CCM2: variants seen among roughly 807,000 people sequenced by gnomAD.
CCM2 encodes the protein cerebral cavernous malformations 2 protein.
Under a neutral mutation model 44.9 loss-of-function variants are expected in CCM2, and 25 were observed. The observed-to-expected ratio is 0.56, with a 90% CI of 0.41 to 0.78. CCM2 has a LOEUF of 0.78. Among genes scored for constraint, CCM2 ranks in the 30% least tolerant of loss-of-function variants. CCM2 has a pLI of 0.00. For missense variants in CCM2, 481 were observed against 580.6 expected (o/e 0.83, Z 1.76); for synonymous variants, 219 against 241.1 (o/e 0.91, Z 0.85).
chr7:45,073,433 C>T (rs1169327017), intron 7 of CCM2, 27 bp from the exon 8 acceptor site: 2 of 1,567,522 alleles, frequency 1.3e-6, no homozygotes, highest in East Asian at 2.2e-5. Context: ...GGGAAGCCAC[C>T]CGCTCACATA....
chr7:45,065,967 C>T (rs181341994), intron 4 of CCM2, among the ~76,000 whole-genome samples: 11 of 152,256 alleles, frequency 7.2e-5, no homozygotes, highest in East Asian at 1.9e-4. Context: ...GTTTCTGACT[C>T]GCTTCTTGCA....
intron 2 of CCM2, among the ~76,000 whole-genome samples, chr7:45,039,723 C>T (rs753862746): frequency 3.3e-5 from 5 of 152,134 alleles, no homozygotes; most frequent in African/African-American, 4.8e-5. Flanking sequence ...GGAAGAGCTT[C>T]TGGAATTAAA....
chr7:45,066,781 C>A lies in CCM2; in HGVS notation c.473-1662C>A, dbSNP rs528634570. 9.9e-5 allele frequency among the ~76,000 whole-genome samples: 15 copies of A among 152,160 alleles called. 1 individual carries two copies. Among genetic ancestry groups the A allele is most frequent in the South Asian group, 8.3e-4 (4 of 4,826 alleles). On this transcript the variant is annotated intron_variant, in intron 4 of 9. Coordinates refer to ENST00000258781, the MANE Select transcript of CCM2 (RefSeq NM_031443.4). ...CCGCATCCTTAGGCTGCCCACCCTG[C>A]TTCCTTGAGAACTACCACAGGCACA...
intron 2 of CCM2, among the ~76,000 whole-genome samples, chr7:45,051,329 G>A (rs1797992529): frequency 6.6e-6 from 1 of 152,128 alleles, no homozygotes; most frequent in African/African-American, 2.4e-5. Flanking sequence ...CTTTCAGGGT[G>A]TCATCTCCCA....
chr7:45,051,383 G>GTATTTATTTATTTATT (rs71565942), intron 2 of CCM2, among the ~76,000 whole-genome samples: 53 of 150,634 alleles, frequency 3.5e-4, no homozygotes, highest in African/African-American at 1.1e-3. Context: ...GGATGCTTGG[G>GTATTTATTTATTTATT]TATTTATTTA....
chr7:45,000,014 G>C (rs1194374154), upstream of CCM2, among the ~76,000 whole-genome samples: 1 of 152,114 alleles, frequency 6.6e-6, no homozygotes, highest in Non-Finnish European at 1.5e-5. Context: ...CTCTCGCCGT[G>C]AGCGGGGCCA....
At chr7:45,028,101 C>T (rs1360632381) in intron 1 of CCM2, among the ~76,000 whole-genome samples, 2 of 152,198 alleles carry the variant, frequency 1.3e-5, no homozygotes, top group African/African-American at 2.4e-5. Flanking sequence ...ACATCTTCCA[C>T]GGAGAAGTAA....
chr7:45,075,946 C>T lies in CCM2; in HGVS notation c.1224C>T (p.Ser408=), dbSNP rs771678360. ...STTNGNRATG[S]SDDRSAPSEG... is the part of the protein sequence containing the mutation. The stretch of plus-strand genomic sequence containing the variant: ...CCAATGGGAACAGGGCCACGGGCAG[C>T]TCTGATGACCGGTCGGCACCCTCAG... Residue 408 remains serine, a synonymous_variant, in exon 10 of 10, where the codon AGC becomes AGT. Coordinates refer to ENST00000258781, the MANE Select transcript of CCM2 (RefSeq NM_031443.4). The T allele has an allele frequency of 8.7e-6, 14 of 1,613,102 alleles. No individual in the cohort carries two copies. In the Admixed American group the frequency reaches 1.8e-4, roughly 21 times the overall value.
chr7:45,052,107 C>T (rs969271656), intron 2 of CCM2, among the ~76,000 whole-genome samples: 1 of 152,194 alleles, frequency 6.6e-6, no homozygotes, highest in Admixed American at 6.6e-5. Context: ...CATCGGAAAC[C>T]ACATGCTCCA....
chr7:45,042,997 G>A (rs1797587238), intron 2 of CCM2, among the ~76,000 whole-genome samples: 1 of 139,628 alleles, frequency 7.2e-6, no homozygotes, highest in Admixed American at 7.5e-5. Flanking sequence ...CCTTGAGATA[G>A]GGTCTGTCTC....
At chr7:45,071,960 G>A (rs927260106) in intron 6 of CCM2, 60 of 428,606 alleles carry the variant, frequency 1.4e-4, no homozygotes, top group African/African-American at 9.5e-4. Flanking sequence ...TCTTTGGGGG[G>A]TCATTATTCT....
At chr7:45,066,937 G>T (rs1325294172) in intron 4 of CCM2, among the ~76,000 whole-genome samples, 1 of 149,198 alleles carries the variant, frequency 6.7e-6, no homozygotes, top group Non-Finnish European at 1.5e-5. Flanking sequence ...GTCTCGCTGT[G>T]TTGCCCAGGC....
intron 1 of CCM2, among the ~76,000 whole-genome samples, chr7:45,031,598 C>T (rs1562875819): frequency 6.6e-6 from 1 of 152,006 alleles, no homozygotes; most frequent in Non-Finnish European, 1.5e-5. Flanking sequence ...TGCTCTGTCA[C>T]CCAGGCTGGA....
In CCM2 at chr7:45,024,719, T is replaced by C. The variant is rs931417419; in HGVS notation, c.31-13534T>C. ...ACAGAATTTTAAAGGGATTACCATA[T>C]TCCCATTTATCAGGATACATCTGAT... On this transcript the variant is annotated intron_variant, in intron 1 of 9. Transcript: ENST00000258781. Among the ~76,000 whole-genome samples, 6 of 152,382 alleles carry C rather than the reference T, an allele frequency of 3.9e-5. No individual in the cohort carries two copies. The South Asian group carries it at 1.2e-3, about 32-fold the overall frequency.
At chr7:45,002,629 A>T (rs981150530) in intron 1 of CCM2, among the ~76,000 whole-genome samples, 1 of 152,018 alleles carries the variant, frequency 6.6e-6, no homozygotes, top group Admixed American at 6.6e-5. Context: ...CAGAGAACCT[A>T]TGGACCAAAG....
At chr7:45,067,284 C>G (rs1427433131) in intron 4 of CCM2, among the ~76,000 whole-genome samples, 2 of 151,770 alleles carry the variant, frequency 1.3e-5, no homozygotes, top group Admixed American at 6.6e-5. Context: ...TCTCCGCCCC[C>G]CGAGTAGCTG....
At chr7:45,069,248 A>G (rs1325758005) in intron 5 of CCM2, among the ~76,000 whole-genome samples, 1 of 152,222 alleles carries the variant, frequency 6.6e-6, no homozygotes, top group Non-Finnish European at 1.5e-5. Flanking sequence ...TTAGCCGGAT[A>G]ATTTTCCATT....
chr7:45,057,170 C>CT (rs35056855), intron 2 of CCM2, among the ~76,000 whole-genome samples: 4,968 of 147,806 alleles, frequency 0.034, 122 homozygotes, highest in South Asian at 0.15. Flanking sequence ...TTCTTTCTTT[C>CT]TTTTTTTTTT....
rs778766290 is a variant in CCM2, at chr7:45,064,635, T to G, written c.461T>G (p.Val154Gly). 1 of 1,613,896 alleles carries G rather than the reference T, an allele frequency of 6.2e-7. No individual in the cohort carries two copies. The highest frequency in any genetic ancestry group is 1.1e-5 in the South Asian group (1 of 91,070). The change falls in exon 4 of 10, where the codon GTC becomes GGC. Residue 154 changes from valine to glycine, a missense_variant. Coordinates refer to ENST00000258781, the MANE Select transcript of CCM2 (RefSeq NM_031443.4). ...CGGGATGACGCTGCACACCTGGTGG[T>G]CCTGAAGACAGGTACAGGAGGTCAG... is the stretch of plus-strand genomic sequence containing the variant. ...YVRDDAAHLV[V>G]LKTAQDPGIS...
Sources: gnomAD v4.1 joint callset for allele counts (sites outside exome capture counted in the v4.1 genomes callset) on GRCh38, gnomAD v4.1.1 for gene constraint, MANE v1.5 for transcripts, NCBI Gene and HGNC (gene_info 2026-07-23, HGNC 2026-07-21) for gene names.